DOCK7: variants seen among roughly 807,000 people sequenced by gnomAD.
DOCK7 encodes dedicator of cytokinesis 7.
A neutral mutation model predicts 271.0 loss-of-function variants in DOCK7; 138 were observed. The observed-to-expected ratio is 0.51, with a 90% confidence interval of 0.44 to 0.59. The LOEUF (loss-of-function observed/expected upper bound fraction) is 0.59. Among genes scored for constraint, DOCK7 ranks in the 20% least tolerant of loss-of-function variants. The pLI, the probability that DOCK7 is intolerant of heterozygous loss-of-function variation, is 0.00. For missense variants in DOCK7, 2,066 were observed against 2,592.4 expected (o/e 0.80, Z 4.41); for synonymous variants, 823 against 876.1 (o/e 0.94, Z 1.07).
At chr1:62,489,765 C>A (rs1646405232) in intron 41 of DOCK7, among the ~76,000 whole-genome samples, 1 of 152,128 alleles carries the variant, frequency 6.6e-6, no homozygotes, top group Non-Finnish European at 1.5e-5. Context: ...AAAACTAATT[C>A]TGAGCAGAAG....
chr1:62,553,792 T>C (rs909809430), intron 21 of DOCK7, among the ~76,000 whole-genome samples: 4 of 151,940 alleles, frequency 2.6e-5, no homozygotes, highest in Admixed American at 6.6e-5. Context: ...AATTGTATAT[T>C]ACACATACAA....
chr1:62,632,930 T>A (rs901173916), intron 10 of DOCK7, among the ~76,000 whole-genome samples: 3 of 151,820 alleles, frequency 2.0e-5, no homozygotes, highest in Non-Finnish European at 2.9e-5. Context: ...TGGGCCAAGA[T>A]CCTGCCACTG....
chr1:62,603,969 G>C, intron 14 of DOCK7: 1 of 1,612,496 alleles, frequency 6.2e-7, no homozygotes, highest in South Asian at 1.1e-5. Flanking sequence ...TTCTTTTCAG[G>C]AGAATTTTGG....
At chr1:62,485,549 A>G (rs1303806430) in intron 43 of DOCK7, 6 of 985,322 alleles carry the variant, frequency 6.1e-6, no homozygotes, top group Non-Finnish European at 7.2e-6. Flanking sequence ...CCAGTGAAAG[A>G]TCTACCAGAA....
Position 62,454,925 on chromosome 1 carries a change from A to G in DOCK7, c.*489T>C, listed in dbSNP as rs1029228342. 6.6e-6 allele frequency: 2 copies of G among 302,538 alleles called. No individual in the cohort carries two copies. Among genetic ancestry groups the G allele is most frequent in the Non-Finnish European group, 1.2e-5 (2 of 166,924 alleles). The allele number at this position is 302,538 out of a possible 1,614,324, so 18.7% of individuals were successfully genotyped here. A position where few individuals can be genotyped will look rare whatever the true frequency, so the allele number is the denominator to read the frequency against. ...GGCTATCTATGATTTTTATTCTGCT[A>G]GGTTTGGAACTAGTTCTTGAGTCAA... On this transcript the variant is annotated 3_prime_UTR_variant, in exon 50 of 50. Coordinates refer to ENST00000635253, the MANE Select transcript of DOCK7 (RefSeq NM_001367561.1).
At chr1:62,675,711 G>T (rs564129760) in intron 1 of DOCK7, among the ~76,000 whole-genome samples, 2 of 152,094 alleles carry the variant, frequency 1.3e-5, no homozygotes, top group South Asian at 4.2e-4. Flanking sequence ...TGTGAACCCG[G>T]GAAGTGGAGC....
intron 31 of DOCK7, among the ~76,000 whole-genome samples, chr1:62,515,961 C>T (rs1372056521): frequency 1.3e-5 from 2 of 152,138 alleles, no homozygotes; most frequent in African/African-American, 2.4e-5. Context: ...AGAGCTGGCA[C>T]TGTGGATCAC....
At chr1:62,665,614 A>C (rs1279995358) in intron 1 of DOCK7, among the ~76,000 whole-genome samples, 1 of 143,232 alleles carries the variant, frequency 7.0e-6, no homozygotes, top group East Asian at 2.3e-4. Flanking sequence ...CTGAGGCAGG[A>C]GAATCGCTTG....
intron 1 of DOCK7, among the ~76,000 whole-genome samples, chr1:62,678,381 G>A (rs1660753928): frequency 6.6e-6 from 1 of 152,076 alleles, no homozygotes; most frequent in Non-Finnish European, 1.5e-5. Context: ...ATAAACAAGA[G>A]TTTAGCAAGG....
intron 2 of DOCK7, among the ~76,000 whole-genome samples, chr1:62,660,247 C>T (rs1658510761): frequency 6.6e-6 from 1 of 152,068 alleles, no homozygotes. Context: ...TAGAATCAAA[C>T]TAGAAAGTGG....
At chr1:62,551,878 T>C (rs2149419951) in intron 22 of DOCK7, among the ~76,000 whole-genome samples, 1 of 151,674 alleles carries the variant, frequency 6.6e-6, no homozygotes, top group South Asian at 2.1e-4. Context: ...ATTACATATA[T>C]ATATAGGCCT....
chr1:62,566,050 A>T (rs1228952199), intron 18 of DOCK7, among the ~76,000 whole-genome samples: 1 of 152,248 alleles, frequency 6.6e-6, no homozygotes, highest in Non-Finnish European at 1.5e-5. Flanking sequence ...AGGAAATAAG[A>T]AAGGACACAA....
chr1:62,513,502 T>C lies in DOCK7; in HGVS notation c.4224A>G (p.Gln1408=). 6.2e-7 allele frequency: 1 copy of C among 1,614,114 alleles called. No individual in the cohort carries two copies. The highest frequency in any genetic ancestry group is 8.5e-7 in the Non-Finnish European group (1 of 1,180,006). The change falls in exon 33 of 50, where the codon CAA becomes CAG. Residue 1408 remains glutamine, a synonymous_variant. Transcript: ENST00000635253. ...EAILGSIGAR[Q]EMVRRSRGQL... is the part of the protein sequence containing the mutation. ...GTCCTCGGCTTCGCCGTACCATTTC[T>C]TGCCTGGCACCTATGCTCCCAAGAA...
At chr1:62,595,252 TG>T (rs1247862857) in intron 14 of DOCK7, among the ~76,000 whole-genome samples, 1 of 152,198 alleles carries the variant, frequency 6.6e-6, no homozygotes, top group Non-Finnish European at 1.5e-5. Flanking sequence ...TACTATAGTA[TG>T]GGTACAAATG....
At chr1:62,655,274 C>T (rs1451109204) in intron 2 of DOCK7, among the ~76,000 whole-genome samples, 2 of 152,036 alleles carry the variant, frequency 1.3e-5, no homozygotes, top group Non-Finnish European at 2.9e-5. Context: ...AACAAACATG[C>T]AGTTATAGAC....
rs762774795 is a variant in DOCK7, at chr1:62,543,643, C to A, written c.2949+13G>T. On this transcript the variant is annotated intron_variant, in intron 24 of 49. Transcript: ENST00000635253. ...ATTTTCCCCCTCTATGAATTGTCTT[C>A]ATATGAATCTACCTTTTTAGTTGGT... 13 of 1,582,802 alleles carry A rather than the reference C, an allele frequency of 8.2e-6. No individual in the cohort carries two copies. Among genetic ancestry groups the A allele is most frequent in the Non-Finnish European group, 1.1e-5 (13 of 1,155,538 alleles).
At chr1:62,499,594 G>A (rs1034519109) in intron 37 of DOCK7, among the ~76,000 whole-genome samples, 10 of 152,130 alleles carry the variant, frequency 6.6e-5, no homozygotes, top group Admixed American at 1.3e-4. Context: ...AACTTAGCCC[G>A]GTGTGATAGT....
At chr1:62,597,993 G>C in intron 14 of DOCK7, 1 of 1,567,644 alleles carries the variant, frequency 6.4e-7, no homozygotes, top group South Asian at 1.2e-5. Context: ...ATATTTAGAA[G>C]AGCAACTAAC....
intron 30 of DOCK7, 109 bp downstream of exon 30, chr1:62,529,168 G>T: frequency 9.0e-7 from 1 of 1,110,760 alleles, no homozygotes; most frequent in Non-Finnish European, 1.2e-6. Context: ...ACTTTGATCA[G>T]CACACAATTC....
Sources: allele counts gnomAD v4.1 joint callset (sites outside exome capture counted in the v4.1 genomes callset), GRCh38; gene constraint gnomAD v4.1.1; transcripts MANE v1.5; gene names NCBI Gene and HGNC (gene_info 2026-07-23, HGNC 2026-07-21).